The following CDH4 variants were observed in gnomAD, a reference collection of about 807,000 sequenced individuals.
CDH4 encodes cadherin-4.
Under a neutral mutation model 86.0 loss-of-function variants are expected in CDH4, and 33 were observed. The ratio of observed to expected loss-of-function variants is 0.38; its 90% CI spans 0.29 to 0.51. The LOEUF (loss-of-function observed/expected upper bound fraction) is 0.51. Ranked by LOEUF, CDH4 falls within the 20% of genes least tolerant of loss-of-function variation. The probability of loss-of-function intolerance (pLI) is 0.86; values close to 1 mark genes in which losing one functional copy is unlikely to be tolerated. For synonymous variants in CDH4, 555 were observed against 549.4 expected, an observed-to-expected ratio of 1.01 and a Z score of -0.14; for missense variants, 1,114 against 1,307.4, an observed-to-expected ratio of 0.85 and a Z score of 2.28.
At chr20:61,806,555 ACACACATGTCCACGCGCACG>A (rs374394522) in intron 4 of CDH4, among the ~76,000 whole-genome samples, 34 of 126,982 alleles carry the variant, frequency 2.7e-4, no homozygotes, top group Admixed American at 1.6e-3. Context: ...ACGCGCACGC[ACACACATGTCCACGCGCACG>A]CACACACACA....
intron 2 of CDH4, among the ~76,000 whole-genome samples, chr20:61,450,920 G>C (rs1167246423): frequency 6.6e-6 from 1 of 151,834 alleles, no homozygotes; most frequent in East Asian, 2.0e-4. Context: ...CTGGAGCTGT[G>C]GACCCAGGTC....
At chr20:61,570,869 T>C (rs1390703924) in intron 2 of CDH4, 3 of 686,540 alleles carry the variant, frequency 4.4e-6, no homozygotes, top group Non-Finnish European at 8.0e-6. Flanking sequence ...GGATGTGTAG[T>C]GGCTGTTAAG....
At chr20:61,411,148 A>ATCCATCCATCCT (rs1249121364) in intron 2 of CDH4, among the ~76,000 whole-genome samples, 1 of 151,668 alleles carries the variant, frequency 6.6e-6, no homozygotes, top group Non-Finnish European at 1.5e-5. Flanking sequence ...CCATCCATCC[A>ATCCATCCATCCT]TCCATCCATC....
intron 7 of CDH4, among the ~76,000 whole-genome samples, chr20:61,884,554 C>G (rs1377646693): frequency 6.6e-6 from 1 of 152,140 alleles, no homozygotes; most frequent in Non-Finnish European, 1.5e-5. Flanking sequence ...GGGGTGATCT[C>G]TCGGTGACAG....
At chr20:61,705,178 A>G (rs1354354860) in intron 2 of CDH4, among the ~76,000 whole-genome samples, 1 of 152,196 alleles carries the variant, frequency 6.6e-6, no homozygotes. Flanking sequence ...CACAAACTTC[A>G]GGGAATATTT....
At chr20:61,927,968 C>T (rs2055063038) in intron 11 of CDH4, among the ~76,000 whole-genome samples, 1 of 152,204 alleles carries the variant, frequency 6.6e-6, no homozygotes, top group Non-Finnish European at 1.5e-5. Context: ...TGTGGCTGCC[C>T]ATGGCGTGTG....
At chr20:61,259,452 C>T (rs933969719) in intron 2 of CDH4, among the ~76,000 whole-genome samples, 5 of 152,102 alleles carry the variant, frequency 3.3e-5, no homozygotes, top group East Asian at 1.9e-4. Context: ...TGTCCAGCAC[C>T]GGCCTAATGC....
intron 2 of CDH4, among the ~76,000 whole-genome samples, chr20:61,479,715 G>A (rs1337927151): frequency 6.6e-6 from 1 of 152,162 alleles, no homozygotes; most frequent in Non-Finnish European, 1.5e-5. Context: ...GGGGTTTGCT[G>A]AGCTTCTTGG....
At chr20:61,293,796 G>A (rs920069289) in intron 2 of CDH4, among the ~76,000 whole-genome samples, 30 of 152,230 alleles carry the variant, frequency 2.0e-4, no homozygotes, top group Non-Finnish European at 8.8e-5. Flanking sequence ...GAAGTGAGGG[G>A]AGAGGAAGGT....
intron 2 of CDH4, among the ~76,000 whole-genome samples, chr20:61,508,397 C>A (rs2085757023): frequency 6.6e-6 from 1 of 152,214 alleles, no homozygotes; most frequent in Non-Finnish European, 1.5e-5. Context: ...ACGGGTGCCC[C>A]CAGCCCCAAC....
At chr20:61,717,073 G>C (rs1387850027) in intron 2 of CDH4, among the ~76,000 whole-genome samples, 2 of 152,182 alleles carry the variant, frequency 1.3e-5, no homozygotes, top group Non-Finnish European at 2.9e-5. Flanking sequence ...TCCCATCCCT[G>C]CTCCTCAGCA....
intron 2 of CDH4, among the ~76,000 whole-genome samples, chr20:61,286,306 T>C (rs1047715676): frequency 2.0e-5 from 3 of 152,208 alleles, no homozygotes; most frequent in African/African-American, 7.2e-5. Flanking sequence ...GTGCGTGTGC[T>C]GGGACTGGGG....
chr20:61,285,475 G>T (rs957860071), intron 2 of CDH4, among the ~76,000 whole-genome samples: 7 of 152,242 alleles, frequency 4.6e-5, no homozygotes, highest in African/African-American at 1.4e-4. Context: ...TGGAGAAGAA[G>T]GAAAGAGGGG....
At chr20:61,559,519 C>CTTTTT (rs1156864328) in intron 2 of CDH4, among the ~76,000 whole-genome samples, 20,920 of 104,910 alleles carry the variant, frequency 0.2, 2,967 homozygotes, top group African/African-American at 0.3. Flanking sequence ...ATTTTTTTTT[C>CTTTTT]TTTTTTTTTT....
At chr20:61,723,874 G>A (rs4600737) in intron 2 of CDH4, among the ~76,000 whole-genome samples, 71,873 of 114,660 alleles carry the variant, frequency 0.63, 21,248 homozygotes, top group East Asian at 0.89. Flanking sequence ...GGCTCCATGC[G>A]GCAGGTGGGG....
chr20:61,833,027 G>A (rs562434112), intron 4 of CDH4, among the ~76,000 whole-genome samples: 1 of 152,240 alleles, frequency 6.6e-6, no homozygotes, highest in East Asian at 1.9e-4. Flanking sequence ...AGTCTGAGGG[G>A]TGGGCTGAGC....
intron 15 of CDH4, among the ~76,000 whole-genome samples, chr20:61,935,810 T>TGGGA (rs2055176662): frequency 6.6e-6 from 1 of 152,126 alleles, no homozygotes; most frequent in African/African-American, 2.4e-5. Flanking sequence ...CGCTTGAACG[T>TGGGA]GGGAGGCAGA....
At chr20:61,922,894 T>C (rs970626987) in intron 9 of CDH4, among the ~76,000 whole-genome samples, 4 of 152,244 alleles carry the variant, frequency 2.6e-5, no homozygotes, top group African/African-American at 9.6e-5. Flanking sequence ...GCCCTGGGAT[T>C]ACAGGCGTGC....
intron 2 of CDH4, among the ~76,000 whole-genome samples, chr20:61,365,842 C>T (rs2084808503): frequency 6.6e-6 from 1 of 152,172 alleles, no homozygotes; most frequent in Admixed American, 6.5e-5. Context: ...CAGATAGTGT[C>T]CCCACCTTGC....
Sources: allele counts gnomAD v4.1 joint callset (sites outside exome capture counted in the v4.1 genomes callset), GRCh38; gene constraint gnomAD v4.1.1; transcripts MANE v1.5; gene names NCBI Gene and HGNC (gene_info 2026-07-23, HGNC 2026-07-21).